The following NEDD4L variants were observed in gnomAD, a reference collection of about 807,000 sequenced individuals.
The protein encoded by NEDD4L is NEDD4 like E3 ubiquitin protein ligase.
NEDD4L carries 54 observed loss-of-function variants against 148.9 expected under a neutral mutation model. That is an observed-to-expected ratio of 0.36 (90% CI 0.29 to 0.45). The LOEUF (loss-of-function observed/expected upper bound fraction) is 0.45, where lower values mean the gene tolerates loss of function less well. Ranked by LOEUF, NEDD4L falls within the 20% of genes least tolerant of loss-of-function variation. The pLI is 1.00. For synonymous variants in NEDD4L, 433 were observed against 440.7 expected, an observed-to-expected ratio of 0.98 and a Z score of 0.22; for missense variants, 856 against 1,233.8, an observed-to-expected ratio of 0.69 and a Z score of 4.59.
At chr18:58,067,867 G>T (rs2082678467) in intron 1 of NEDD4L, among the ~76,000 whole-genome samples, 1 of 152,222 alleles carries the variant, frequency 6.6e-6, no homozygotes, top group African/African-American at 2.4e-5. Context: ...GGGAATGCAG[G>T]TGTATCTGTG....
intron 26 of NEDD4L, among the ~76,000 whole-genome samples, chr18:58,385,909 C>T (rs1452080090): frequency 2.6e-5 from 4 of 151,870 alleles, no homozygotes; most frequent in Admixed American, 2.0e-4. Context: ...CAGGCGGTAC[C>T]CAAGAGAAGG....
At chr18:58,077,341 A>G (rs2083224405) in intron 1 of NEDD4L, among the ~76,000 whole-genome samples, 1 of 150,918 alleles carries the variant, frequency 6.6e-6, no homozygotes, top group South Asian at 2.1e-4. Flanking sequence ...TAATTTTTGT[A>G]TTTTTTATAG....
At chr18:58,299,879 T>C (rs1221063874) in intron 5 of NEDD4L, among the ~76,000 whole-genome samples, 4 of 152,232 alleles carry the variant, frequency 2.6e-5, no homozygotes, top group Admixed American at 2.0e-4. Flanking sequence ...AATGCTTAAA[T>C]GGTCCATTTA....
chr18:58,269,076 T>A (rs17064593), intron 5 of NEDD4L, among the ~76,000 whole-genome samples: 1 of 151,984 alleles, frequency 6.6e-6, no homozygotes, highest in African/African-American at 2.4e-5. Context: ...TTGCCTCATA[T>A]GTTCCAATCT....
intron 5 of NEDD4L, among the ~76,000 whole-genome samples, chr18:58,257,330 T>C (rs986157453): frequency 3.0e-4 from 45 of 152,262 alleles, no homozygotes; most frequent in African/African-American, 2.9e-4. Flanking sequence ...GTCGTTGTTA[T>C]ATAATTTGCT....
At chr18:58,332,652 C>G (rs145167176) in intron 11 of NEDD4L, among the ~76,000 whole-genome samples, 7 of 152,106 alleles carry the variant, frequency 4.6e-5, no homozygotes, top group African/African-American at 1.7e-4. Flanking sequence ...TTATTAAAGA[C>G]TGATTCTTTC....
chr18:58,108,334 C>G (rs1262525676), intron 1 of NEDD4L, among the ~76,000 whole-genome samples: 1 of 152,164 alleles, frequency 6.6e-6, no homozygotes, highest in Non-Finnish European at 1.5e-5. Flanking sequence ...TTGTTTTAAT[C>G]TATGTTTGTA....
chr18:58,201,975 T>C (rs994572097), intron 2 of NEDD4L, among the ~76,000 whole-genome samples: 2 of 152,226 alleles, frequency 1.3e-5, no homozygotes, highest in African/African-American at 4.8e-5. Flanking sequence ...GACTTGTCCA[T>C]TGTTTTGCAA....
chr18:58,187,584 T>G (rs1011950116), intron 2 of NEDD4L, among the ~76,000 whole-genome samples: 1 of 152,186 alleles, frequency 6.6e-6, no homozygotes, highest in African/African-American at 2.4e-5. Flanking sequence ...AAAATAGGAC[T>G]TTTTTTGTTT....
chr18:58,146,100 A>G (rs2034071639), intron 1 of NEDD4L, among the ~76,000 whole-genome samples: 1 of 152,186 alleles, frequency 6.6e-6, no homozygotes, highest in South Asian at 2.1e-4. Flanking sequence ...TCACAGAGTC[A>G]TTGCGAGGAT....
rs2050497718 is a variant in NEDD4L at position 58,396,455 on chromosome 18, C to T, written c.*186C>T. 2 of 517,520 alleles carry T rather than the reference C, an allele frequency of 3.9e-6. No individual in the cohort carries two copies. The highest frequency in any genetic ancestry group is 7.0e-6 in the Non-Finnish European group (2 of 285,386). The allele number at this position is 517,520 out of a possible 1,614,324, so 32.1% of individuals were successfully genotyped here. ...ACCTGGTCCCAGCTTGAGTTCCTGC[C>T]TTTCCCACCACAAATTATCAACTGG... is the stretch of plus-strand genomic sequence containing the variant. On this transcript the variant is annotated 3_prime_UTR_variant, in exon 31 of 31. Coordinates refer to ENST00000400345, the MANE Select transcript of NEDD4L (RefSeq NM_001144967.3).
intron 2 of NEDD4L, among the ~76,000 whole-genome samples, chr18:58,197,566 A>T (rs1002161691): frequency 7.2e-5 from 11 of 152,138 alleles, no homozygotes; most frequent in African/African-American, 2.4e-4. Flanking sequence ...TTGCCAAGGG[A>T]CCCAAGTACC....
chr18:58,320,493 G>A (rs1375971081), intron 6 of NEDD4L, among the ~76,000 whole-genome samples: 1 of 152,176 alleles, frequency 6.6e-6, no homozygotes, highest in Non-Finnish European at 1.5e-5. Context: ...GTATCCACAT[G>A]TCGTTGACAT....
chr18:58,356,240 G>A (rs1248941032), intron 18 of NEDD4L, among the ~76,000 whole-genome samples: 1 of 151,778 alleles, frequency 6.6e-6, no homozygotes, highest in African/African-American at 2.4e-5. Flanking sequence ...TTACAGGCAT[G>A]AGCCACTGCT....
intron 1 of NEDD4L, among the ~76,000 whole-genome samples, chr18:58,109,561 G>GTTTTTTTTT (rs772954089): frequency 7.4e-6 from 1 of 135,970 alleles, no homozygotes; most frequent in African/African-American, 2.8e-5. Context: ...CAACTAGGAG[G>GTTTTTTTTT]TTTTTTTTTT....
chr18:58,068,211 T>C (rs1161035643), intron 1 of NEDD4L, among the ~76,000 whole-genome samples: 25 of 147,748 alleles, frequency 1.7e-4, no homozygotes, highest in African/African-American at 5.6e-4. Flanking sequence ...TTTTTTTGTT[T>C]TGTTTTGAGA....
intron 1 of NEDD4L, among the ~76,000 whole-genome samples, chr18:58,062,226 C>T (rs771714739): frequency 2.0e-5 from 3 of 152,080 alleles, no homozygotes; most frequent in Non-Finnish European, 4.4e-5. Context: ...TCACCCAGTA[C>T]GTGGGTGCAC....
intron 2 of NEDD4L, chr18:58,221,550 G>A (rs2043776988): frequency 3.0e-6 from 3 of 985,400 alleles, no homozygotes; most frequent in Non-Finnish European, 2.4e-6. Context: ...TATAAGTAGC[G>A]AGCTGGGCGC....
At chr18:58,056,523 C>T (rs1057230355) in intron 1 of NEDD4L, among the ~76,000 whole-genome samples, 10 of 152,210 alleles carry the variant, frequency 6.6e-5, no homozygotes, top group Admixed American at 6.5e-4. Context: ...TACAGCCTGG[C>T]TCTTTCCAGG....
Sources: allele counts gnomAD v4.1 joint callset (sites outside exome capture counted in the v4.1 genomes callset), GRCh38; gene constraint gnomAD v4.1.1; transcripts MANE v1.5; gene names NCBI Gene and HGNC (gene_info 2026-07-23, HGNC 2026-07-21).